ATP2B1: variants seen among roughly 807,000 people sequenced by gnomAD.
The protein encoded by ATP2B1 is ATPase plasma membrane Ca2+ transporting 1.
In ATP2B1, 14 loss-of-function variants were observed where a neutral mutation model predicts 124.2. The observed-to-expected ratio is 0.11, with a 90% CI of 0.07 to 0.18. ATP2B1 has a LOEUF of 0.18. Ranked by LOEUF, ATP2B1 falls within the 10% of genes least tolerant of loss-of-function variation. ATP2B1 has a pLI of 1.00. For missense variants in ATP2B1, 763 were observed against 1,466.1 expected (o/e 0.52, Z 7.83); for synonymous variants, 449 against 492.4 (o/e 0.91, Z 1.17).
intron 1 of ATP2B1, among the ~76,000 whole-genome samples, chr12:89,698,262 G>A (rs1305943978): frequency 6.6e-6 from 1 of 152,168 alleles, no homozygotes; most frequent in East Asian, 1.9e-4. Context: ...TCCATCAACA[G>A]GCGAACGGAC....
intron 3 of ATP2B1, among the ~76,000 whole-genome samples, chr12:89,636,393 G>A (rs1045251977): frequency 4.6e-5 from 7 of 152,116 alleles, no homozygotes; most frequent in Non-Finnish European, 1.0e-4. Flanking sequence ...GAAAGGATAT[G>A]TATGTAGTAA....
intron 3 of ATP2B1, 96 bp downstream of exon 3, chr12:89,642,062 A>T (rs1271895268): frequency 8.0e-7 from 1 of 1,243,022 alleles, no homozygotes; most frequent in Admixed American, 2.0e-5. Context: ...CATAGCAAAC[A>T]TCAATAAATG....
At chr12:89,599,063 G>C in intron 20 of ATP2B1, 54 bp downstream of exon 20, 5 of 1,573,046 alleles carry the variant, frequency 3.2e-6, no homozygotes, top group South Asian at 2.3e-5. Flanking sequence ...CTCCTCCCCA[G>C]GTCAAAAAGC....
Position 89,643,621 on chromosome 12 carries a change from G to A in ATP2B1, c.209-1266C>T, listed in dbSNP as rs149731397. On this transcript the variant is annotated intron_variant, in intron 2 of 20. Transcript: ENST00000428670. ...GAGGTTAAGACAGAGCTAGTTGGAT[G>A]AACATCCATTTTGCCATTCCTTCAC... Among the ~76,000 whole-genome samples, 1,329 of 152,296 alleles carry A rather than the reference G, an allele frequency of 8.7e-3. 16 individuals are homozygous for A. The highest frequency in any genetic ancestry group is 0.011 in the Non-Finnish European group (749 of 68,018).
At chr12:89,624,597 A>G (rs540474242) in intron 8 of ATP2B1, among the ~76,000 whole-genome samples, 200 bp from the exon 9 acceptor site, 2 of 152,348 alleles carry the variant, frequency 1.3e-5, no homozygotes, top group South Asian at 2.1e-4. Context: ...TCTTGTCCCC[A>G]GGAGAACTGG....
chr12:89,624,423 A>G, intron 8 of ATP2B1, 26 bp from the exon 9 acceptor site: 1 of 1,574,340 alleles, frequency 6.4e-7, no homozygotes, highest in East Asian at 2.2e-5. Context: ...TGAAAGAAAA[A>G]TGTGATTATT....
chr12:89,630,421 A>G, intron 6 of ATP2B1, 84 bp downstream of exon 6: 1 of 1,203,024 alleles, frequency 8.3e-7, no homozygotes, highest in Non-Finnish European at 1.1e-6. Context: ...TTTTCATACC[A>G]GAATCTCTTG....
intron 10 of ATP2B1, 151 bp from the exon 11 acceptor site, chr12:89,620,391 G>C: frequency 9.9e-7 from 1 of 1,009,024 alleles, no homozygotes; most frequent in East Asian, 2.6e-5. Context: ...AAGTAAGGTA[G>C]AAAGGAGCCT....
At chr12:89,599,449 C>A in intron 19 of ATP2B1, 150 bp from the exon 20 acceptor site, 1 of 834,902 alleles carries the variant, frequency 1.2e-6, no homozygotes, top group Non-Finnish European at 1.8e-6. Flanking sequence ...TCTTTCTCTC[C>A]CAGAGCAAAA....
chr12:89,602,982 T>C (rs935630740), intron 18 of ATP2B1, 61 bp downstream of exon 18: 2 of 1,434,970 alleles, frequency 1.4e-6, no homozygotes, highest in Non-Finnish European at 1.9e-6. Context: ...TAGAACAAGC[T>C]GTTTACCTAA....
chr12:89,684,247 T>A (rs1889703977), intron 1 of ATP2B1, among the ~76,000 whole-genome samples: 1 of 152,220 alleles, frequency 6.6e-6, no homozygotes, highest in South Asian at 2.1e-4. Flanking sequence ...CTGTACATTT[T>A]TTGTGTTGGC....
chr12:89,696,656 T>A (rs900041269), intron 1 of ATP2B1, among the ~76,000 whole-genome samples: 13 of 152,232 alleles, frequency 8.5e-5, no homozygotes, highest in African/African-American at 2.9e-4. Flanking sequence ...CTTTACATTG[T>A]CCTATTTTCC....
In ATP2B1 at chr12:89,592,011, A is replaced by G. The variant is rs567238857; in HGVS notation, c.3352-716T>C. Among the ~76,000 whole-genome samples the G allele has an allele frequency of 2.6e-5, 4 of 152,178 alleles. No homozygotes were observed. The South Asian group carries it at 8.3e-4, about 32-fold the overall frequency. Reference sequence around the variant, plus strand: ...AAGAATAGATCAAAAACAAAAACAAATCCTCTGGGATTCTTCTGTGAAAAA... The same window carrying G: ...AAGAATAGATCAAAAACAAAAACAAGTCCTCTGGGATTCTTCTGTGAAAAA... On this transcript the variant is annotated intron_variant, in intron 20 of 20. Transcript: ENST00000428670.
At chr12:89,614,427 T>C (rs1878593282) in intron 12 of ATP2B1, among the ~76,000 whole-genome samples, 1 of 152,214 alleles carries the variant, frequency 6.6e-6, no homozygotes. Flanking sequence ...ACCTGGCTAT[T>C]TTATAAGCAT....
intron 1 of ATP2B1, among the ~76,000 whole-genome samples, chr12:89,701,162 G>A (rs1891803579): frequency 6.6e-6 from 1 of 152,134 alleles, no homozygotes; most frequent in South Asian, 2.1e-4. Flanking sequence ...TTCTGTAGCA[G>A]GTCATGATCT....
In ATP2B1 at chr12:89,610,167, G is replaced by C. The variant is rs1250571967; in HGVS notation, c.2336-124C>G. 14 of 961,102 alleles carry C rather than the reference G, an allele frequency of 1.5e-5. No individual in the cohort carries two copies. The East Asian group carries it at 3.4e-4, about 24-fold the overall frequency. The allele number at this position is 961,102 out of a possible 1,614,324, so 59.5% of individuals were successfully genotyped here. On this transcript the variant is annotated intron_variant, in intron 14 of 20. Coordinates refer to ENST00000428670, the MANE Select transcript of ATP2B1 (RefSeq NM_001366521.1). ...AAATAAATAAACAAATATAAAAATG[G>C]AAATTGCTTAGATGTTGGGTGAGAA...
intron 1 of ATP2B1, among the ~76,000 whole-genome samples, chr12:89,687,491 G>T (rs1163625618): frequency 6.6e-6 from 1 of 152,046 alleles, no homozygotes; most frequent in Admixed American, 6.6e-5. Flanking sequence ...TTTACATGAG[G>T]TACTTGAACA....
At chr12:89,625,835 T>G (rs1465221498) in intron 8 of ATP2B1, among the ~76,000 whole-genome samples, 1 of 152,146 alleles carries the variant, frequency 6.6e-6, no homozygotes, top group Non-Finnish European at 1.5e-5. Flanking sequence ...ATCATACTCC[T>G]AGAGAGCAGT....
At chr12:89,634,607 A>G (rs1238892281) in intron 5 of ATP2B1, among the ~76,000 whole-genome samples, 171 bp downstream of exon 5, 2 of 152,148 alleles carry the variant, frequency 1.3e-5, no homozygotes, top group African/African-American at 4.8e-5. Context: ...AAAGTTTTCT[A>G]ATGTTTTTGT....
Sources: allele counts gnomAD v4.1 joint callset (sites outside exome capture counted in the v4.1 genomes callset), GRCh38; gene constraint gnomAD v4.1.1; transcripts MANE v1.5; gene names NCBI Gene and HGNC (gene_info 2026-07-23, HGNC 2026-07-21).